PDE3B: variants seen among roughly 807,000 people sequenced by gnomAD.
The protein encoded by PDE3B is cGMP-inhibited 3',5'-cyclic phosphodiesterase 3B.
PDE3B carries 66 observed loss-of-function variants against 116.8 expected under a neutral mutation model. That is an observed-to-expected ratio of 0.56 (90% CI 0.46 to 0.69). The LOEUF (loss-of-function observed/expected upper bound fraction) is 0.69. Among genes scored for constraint, PDE3B ranks in the 30% least tolerant of loss-of-function variants. PDE3B has a pLI of 0.00. For missense variants in PDE3B, 1,384 were observed against 1,368.1 expected (o/e 1.01, Z -0.18); for synonymous variants, 595 against 533.6 (o/e 1.12, Z -1.59).
the PDE3B span, among the ~76,000 whole-genome samples, chr11:14,893,992 C>T: frequency 2.0e-5 from 3 of 152,124 alleles, no homozygotes; most frequent in African/African-American, 7.2e-5. Context: ...CAAACCTTGT[C>T]CTCTGAGAGT....
intron 4 of PDE3B, among the ~76,000 whole-genome samples, chr11:14,799,395 G>C (rs1236731327): frequency 6.6e-6 from 1 of 152,200 alleles, no homozygotes; most frequent in Non-Finnish European, 1.5e-5. Flanking sequence ...GTGCTGAGAA[G>C]AATGTATATT....
chr11:14,804,682 A>G (rs540351355), intron 5 of PDE3B, among the ~76,000 whole-genome samples: 1 of 152,264 alleles, frequency 6.6e-6, no homozygotes, highest in South Asian at 2.1e-4. Context: ...AATATTATTG[A>G]TAATCAAGAA....
chr11:14,702,166 G>A (rs16930448), intron 1 of PDE3B, among the ~76,000 whole-genome samples: 20,094 of 151,246 alleles, frequency 0.13, 1,534 homozygotes, highest in African/African-American at 0.2. Flanking sequence ...CTTTCTGTCC[G>A]TCTACTGAAT....
At chr11:14,807,448 G>T (rs1858975284) in intron 5 of PDE3B, among the ~76,000 whole-genome samples, 1 of 152,010 alleles carries the variant, frequency 6.6e-6, no homozygotes, top group South Asian at 2.1e-4. Context: ...AATATTCAAA[G>T]ATGAACATTG....
At chr11:14,689,861 G>A (rs766638592) in intron 1 of PDE3B, among the ~76,000 whole-genome samples, 74 of 152,118 alleles carry the variant, frequency 4.9e-4, no homozygotes, top group Non-Finnish European at 8.2e-4. Context: ...CAAAAGTAAG[G>A]CATTTCAATA....
At chr11:14,880,149 A>T in the PDE3B span, 1 of 1,612,748 alleles carries the variant, frequency 6.2e-7, no homozygotes, top group African/African-American at 1.3e-5. Context: ...GAATATTAGG[A>T]TAAAGGGCCA....
intron 4 of PDE3B, among the ~76,000 whole-genome samples, chr11:14,801,432 G>C (rs1212819063): frequency 6.6e-6 from 1 of 152,194 alleles, no homozygotes; most frequent in Non-Finnish European, 1.5e-5. Context: ...GTCCACTCCA[G>C]ACCCTGTTTG....
chr11:14,834,980 A>G lies in PDE3B; in HGVS notation c.2207-2A>G. The G allele has an allele frequency of 6.3e-7, 1 of 1,580,040 alleles. No homozygotes were observed. The highest frequency in any genetic ancestry group is 8.6e-7 in the Non-Finnish European group (1 of 1,157,476). ...AACAGAAAAACGTTTTGGTGACTTT[A>G]GATCACAATCGTATACATGCCACAG... is the stretch of plus-strand genomic sequence containing the variant. On this transcript the variant is annotated splice_acceptor_variant, in intron 10 of 15. Transcript: ENST00000282096. LOFTEE classifies it high-confidence loss of function.
intron 2 of PDE3B, chr11:14,774,829 T>C (rs1367458930): frequency 1.3e-5 from 2 of 152,250 alleles, no homozygotes; most frequent in Non-Finnish European, 2.9e-5. Context: ...TTACACAACA[T>C]GGTTCCCTCC....
At chr11:14,655,260 A>G (rs927282315) in intron 1 of PDE3B, among the ~76,000 whole-genome samples, 1 of 152,184 alleles carries the variant, frequency 6.6e-6, no homozygotes, top group African/African-American at 2.4e-5. Flanking sequence ...TAATTATAAA[A>G]GACTGAATTC....
At chr11:14,795,010 C>T (rs181727494) in intron 4 of PDE3B, among the ~76,000 whole-genome samples, 75 of 152,262 alleles carry the variant, frequency 4.9e-4, no homozygotes, top group African/African-American at 1.5e-3. Context: ...CTGGAAGCCC[C>T]CACGTGTTTG....
intron 1 of PDE3B, among the ~76,000 whole-genome samples, chr11:14,695,922 C>A (rs961799152): frequency 6.6e-6 from 1 of 152,076 alleles, no homozygotes; most frequent in African/African-American, 2.4e-5. Flanking sequence ...CATTGATGGG[C>A]ATTTGGGTTG....
At chr11:14,850,512 A>G (rs1471787214) in intron 12 of PDE3B, among the ~76,000 whole-genome samples, 1 of 151,902 alleles carries the variant, frequency 6.6e-6, no homozygotes, top group Non-Finnish European at 1.5e-5. Flanking sequence ...AAAAAAAAAG[A>G]TTTCTGCTCC....
At chr11:14,820,677 T>TCC (rs1859490308) in intron 7 of PDE3B, among the ~76,000 whole-genome samples, 1 of 151,956 alleles carries the variant, frequency 6.6e-6, no homozygotes, top group Non-Finnish European at 1.5e-5. Context: ...GGTAATTAGG[T>TCC]CATGAAGGTG....
At position 14,859,083 on chromosome 11, in the gene PDE3B, A is replaced by C. The variant is rs781968390; in HGVS notation, c.2561A>C (p.His854Pro). ...YNDRSVLENHHAASAWNLYLS... is the reference protein window; with the variant it reads ...YNDRSVLENHPAASAWNLYLS... Reference sequence around the variant, plus strand: ...GACAGATCTGTTCTGGAAAATCATCATGCTGCGTCAGCTTGGAATCTATAT... The same window carrying C: ...GACAGATCTGTTCTGGAAAATCATCCTGCTGCGTCAGCTTGGAATCTATAT... The change falls in exon 13 of 16, where the codon CAT (histidine) becomes CCT (proline). Residue 854 changes from histidine to proline, a missense_variant. His to Pro is a moderately conservative substitution (Grantham distance 77). Coordinates refer to ENST00000282096, the MANE Select transcript of PDE3B (RefSeq NM_000922.4). The C allele has an allele frequency of 3.1e-6, 5 of 1,613,620 alleles. No individual in the cohort carries two copies. The Admixed American group carries it at 8.3e-5, about 27-fold the overall frequency.
chr11:14,765,747 A>G (rs889653463), intron 1 of PDE3B, among the ~76,000 whole-genome samples: 135 of 151,298 alleles, frequency 8.9e-4, no homozygotes, highest in African/African-American at 3.2e-3. Context: ...AGTTTGATAG[A>G]ACTACATGTT....
chr11:14,843,280 G>T (rs532613171), intron 11 of PDE3B, among the ~76,000 whole-genome samples: 1 of 152,028 alleles, frequency 6.6e-6, no homozygotes, highest in Non-Finnish European at 1.5e-5. Context: ...TTTTTATTCC[G>T]TTATATTATA....
At position 14,757,531 on chromosome 11, in the gene PDE3B, A is replaced by G. The variant is rs1857226311; in HGVS notation, c.979-14406A>G. On this transcript the variant is annotated intron_variant, in intron 1 of 15. Transcript: ENST00000282096. The stretch of plus-strand genomic sequence containing the variant: ...GAGATGGTATCTCATTGTGGTTTTG[A>G]TTTGCATTTCTCTGATGGCCAGTGA... Among the ~76,000 whole-genome samples, 4 of 147,808 alleles carry G rather than the reference A, an allele frequency of 2.7e-5. No homozygotes were observed. In the South Asian group the frequency reaches 8.8e-4, roughly 32 times the overall value.
chr11:14,786,799 ATAT>A (rs1858216724), intron 3 of PDE3B, 114 bp downstream of exon 3: 4 of 771,754 alleles, frequency 5.2e-6, no homozygotes, highest in Non-Finnish European at 8.4e-6. Context: ...ATCAGACATA[ATAT>A]TGAGCTGCTT....
Sources: allele counts gnomAD v4.1 joint callset (sites outside exome capture counted in the v4.1 genomes callset), GRCh38; gene constraint gnomAD v4.1.1; transcripts MANE v1.5; gene names NCBI Gene and HGNC (gene_info 2026-07-23, HGNC 2026-07-21).